Variants in GAS7 observed in about 807,000 individuals in gnomAD.
GAS7 encodes the protein growth arrest-specific protein 7.
GAS7 carries 28 observed loss-of-function variants against 71.1 expected under a neutral mutation model. The observed-to-expected ratio is 0.39, with a 90% CI of 0.29 to 0.54. The LOEUF is 0.54. GAS7 is among the 20% of genes least tolerant of loss of function. The pLI, the probability that GAS7 is intolerant of heterozygous loss-of-function variation, is 0.62. For synonymous variants in GAS7, 258 were observed against 245.8 expected, an observed-to-expected ratio of 1.05 and a Z score of -0.46; for missense variants, 436 against 627.8, an observed-to-expected ratio of 0.69 and a Z score of 3.27.
intron 2 of GAS7, among the ~76,000 whole-genome samples, chr17:10,002,300 C>T (rs1210519716): frequency 6.6e-6 from 1 of 152,124 alleles, no homozygotes; most frequent in Non-Finnish European, 1.5e-5. Context: ...CCTGTGCCTT[C>T]GCAGCGTCTT....
At chr17:10,036,332 G>T in intron 1 of GAS7, 1 of 1,036,908 alleles carries the variant, frequency 9.6e-7, no homozygotes, top group Non-Finnish European at 1.5e-6. Context: ...CCAAATCTCA[G>T]TTTTCAGAGC....
intron 1 of GAS7, among the ~76,000 whole-genome samples, chr17:10,151,071 T>C (rs1280191212): frequency 6.6e-6 from 1 of 152,234 alleles, no homozygotes; most frequent in Admixed American, 6.5e-5. Flanking sequence ...GCAAGTGCTC[T>C]ACAAAAAAGT....
chr17:9,976,974 G>A (rs1163690657), intron 3 of GAS7, among the ~76,000 whole-genome samples: 1 of 152,050 alleles, frequency 6.6e-6, no homozygotes, highest in African/African-American at 2.4e-5. Flanking sequence ...TGATTTCCAG[G>A]ACTGGATCCA....
intron 1 of GAS7, among the ~76,000 whole-genome samples, chr17:10,130,347 A>C (rs1567603940): frequency 6.6e-6 from 1 of 150,646 alleles, no homozygotes; most frequent in Non-Finnish European, 1.5e-5. Flanking sequence ...AAAAAAAAAA[A>C]ACGTAGATAA....
At chr17:10,105,070 C>T (rs1284406934) in intron 1 of GAS7, among the ~76,000 whole-genome samples, 1 of 152,218 alleles carries the variant, frequency 6.6e-6, no homozygotes, top group East Asian at 1.9e-4. Flanking sequence ...GCCACCCTGA[C>T]CTTCTAGCTC....
chr17:10,081,405 C>T (rs901433959), intron 1 of GAS7, among the ~76,000 whole-genome samples: 1 of 152,176 alleles, frequency 6.6e-6, no homozygotes, highest in Admixed American at 6.5e-5. Flanking sequence ...CCACCCGCCT[C>T]GGCCTCCCAA....
intron 1 of GAS7, among the ~76,000 whole-genome samples, chr17:10,095,453 C>T (rs142780189): frequency 6.6e-5 from 10 of 152,218 alleles, no homozygotes; most frequent in Admixed American, 2.0e-4. Flanking sequence ...TGAGTCACCA[C>T]GGCTGGCCTG....
chr17:10,095,122 T>C (rs779245686), intron 1 of GAS7, among the ~76,000 whole-genome samples: 1 of 152,132 alleles, frequency 6.6e-6, no homozygotes, highest in South Asian at 2.1e-4. Flanking sequence ...ACAATGATAA[T>C]AGGACCCTCC....
chr17:10,015,163 AG>A (rs1193121889), intron 2 of GAS7, among the ~76,000 whole-genome samples: 1 of 99,754 alleles, frequency 1.0e-5, no homozygotes, highest in African/African-American at 7.9e-5. Flanking sequence ...CAAAAAAAAA[AG>A]AAAAGAAAAG....
At chr17:10,064,329 A>G (rs1322919605) in intron 1 of GAS7, among the ~76,000 whole-genome samples, 1 of 152,216 alleles carries the variant, frequency 6.6e-6, no homozygotes, top group Non-Finnish European at 1.5e-5. Context: ...TGTGACCTAC[A>G]AAGCACAGCA....
At chr17:10,111,872 C>A (rs2142066869) in intron 1 of GAS7, among the ~76,000 whole-genome samples, 1 of 152,196 alleles carries the variant, frequency 6.6e-6, no homozygotes, top group Middle Eastern at 3.4e-3. Flanking sequence ...TTGAGGAAAC[C>A]TAGACCAGAT....
chr17:9,941,020 C>T (rs1231250619), intron 7 of GAS7, among the ~76,000 whole-genome samples: 1 of 152,210 alleles, frequency 6.6e-6, no homozygotes, highest in African/African-American at 2.4e-5. Context: ...AGAGAAGCTC[C>T]AGAGATGCTG....
At chr17:10,015,384 G>A (rs2071953015) in intron 2 of GAS7, among the ~76,000 whole-genome samples, 1 of 152,126 alleles carries the variant, frequency 6.6e-6, no homozygotes, top group African/African-American at 2.4e-5. Flanking sequence ...TTAGAACCGG[G>A]ACTGCACTTT....
rs543970310 is a variant in GAS7 at position 9,928,365 on chromosome 17, G to A, written c.886-1596C>T. On this transcript the variant is annotated intron_variant, in intron 9 of 13. Coordinates refer to ENST00000432992, the MANE Select transcript of GAS7 (RefSeq NM_201433.2). Reference sequence around the variant, plus strand: ...TCTCGATCTCCTGACCTCGTGATCCGCCCGCCTCGGCCTCCCAAAGTGCTG... The same window carrying A: ...TCTCGATCTCCTGACCTCGTGATCCACCCGCCTCGGCCTCCCAAAGTGCTG... Among the ~76,000 whole-genome samples, 115 of 150,654 alleles carry A rather than the reference G, an allele frequency of 7.6e-4. 1 individual carries two copies. Among genetic ancestry groups the A allele is most frequent in the African/African-American group, 2.7e-3 (110 of 41,006 alleles).
intron 2 of GAS7, among the ~76,000 whole-genome samples, chr17:10,001,330 T>C (rs762442410): frequency 2.3e-4 from 35 of 152,048 alleles, no homozygotes; most frequent in Non-Finnish European, 4.4e-5. Context: ...CTTATAAACG[T>C]AATACAGGTC....
intron 1 of GAS7, among the ~76,000 whole-genome samples, chr17:10,055,972 C>T (rs145233784): frequency 2.6e-4 from 40 of 152,242 alleles, no homozygotes; most frequent in African/African-American, 9.6e-4. Context: ...TTCTTTGACC[C>T]GCCAGGTAGA....
chr17:10,176,996 T>C (rs1403221590), intron 1 of GAS7, among the ~76,000 whole-genome samples: 1 of 152,166 alleles, frequency 6.6e-6, no homozygotes, highest in Non-Finnish European at 1.5e-5. Flanking sequence ...CCAAGCACCA[T>C]GCCAGACCAG....
At chr17:9,999,437 G>T (rs1255036529) in intron 2 of GAS7, among the ~76,000 whole-genome samples, 1 of 152,008 alleles carries the variant, frequency 6.6e-6, no homozygotes, top group East Asian at 1.9e-4. Flanking sequence ...AGAATTGCTT[G>T]AACTGGGGAG....
chr17:10,078,077 G>GTGTGTGTTT (rs569660717), intron 1 of GAS7, among the ~76,000 whole-genome samples: 3 of 149,848 alleles, frequency 2.0e-5, no homozygotes, highest in African/African-American at 4.9e-5. Context: ...GTGTGTGTGT[G>GTGTGTGTTT]TGTTTTGTTT....
Sources: allele counts gnomAD v4.1 joint callset (sites outside exome capture counted in the v4.1 genomes callset), GRCh38; gene constraint gnomAD v4.1.1; transcripts MANE v1.5; gene names NCBI Gene and HGNC (gene_info 2026-07-23, HGNC 2026-07-21).